The following AKNA variants were observed in gnomAD, a reference collection of about 807,000 sequenced individuals.
AKNA encodes the protein AT-hook transcription factor, also known as microtubule organization protein AKNA.
In AKNA, 67 loss-of-function variants were observed where a neutral mutation model predicts 138.8. The observed-to-expected ratio is 0.48, with a 90% CI of 0.40 to 0.59. The LOEUF (loss-of-function observed/expected upper bound fraction) is 0.59, where lower values mean the gene tolerates loss of function less well. Among genes scored for constraint, AKNA ranks in the 20% least tolerant of loss-of-function variants. AKNA has a pLI of 0.00. For synonymous variants in AKNA, 737 were observed against 754.4 expected, an observed-to-expected ratio of 0.98 and a Z score of 0.38; for missense variants, 1,813 against 1,880.4, an observed-to-expected ratio of 0.96 and a Z score of 0.66.
downstream of AKNA, among the ~76,000 whole-genome samples, chr9:114,333,778 G>A (rs1295528407): frequency 2.7e-5 from 4 of 150,110 alleles, no homozygotes; most frequent in East Asian, 1.9e-4. Flanking sequence ...GGAAATGAGA[G>A]GATGCATTTG....
At chr9:114,352,591 C>T (rs1322356743) in intron 14 of AKNA, among the ~76,000 whole-genome samples, 1 of 148,172 alleles carries the variant, frequency 6.7e-6, no homozygotes, top group African/African-American at 2.5e-5. Flanking sequence ...AGTGAGACTC[C>T]ATCTCAAAAA....
Position 114,376,627 on chromosome 9 carries a change from G to A in AKNA, c.1180C>T (p.Pro394Ser), listed in dbSNP as rs1161695025. 1.9e-6 allele frequency: 3 copies of A among 1,614,016 alleles called. No homozygotes were observed. The highest frequency in any genetic ancestry group is 2.5e-6 in the Non-Finnish European group (3 of 1,180,014). ...HNRKPQAPAR[P>S]LIFKSPAEIV... ...TCAGCTGGAGACTTGAAGATGAGGG[G>A]CCTGGCAGGGGCCTGAGGCTTCCTG... Residue 394 changes from proline to serine, a missense_variant, in exon 3 of 22, where the codon CCC (proline) becomes TCC (serine). Transcript: ENST00000374088.
chr9:114,361,800 G>A lies in AKNA; in HGVS notation c.2028C>T (p.Asp676=). 3 of 1,613,914 alleles carry A rather than the reference G, an allele frequency of 1.9e-6. No homozygotes were observed. Among genetic ancestry groups the A allele is most frequent in the Non-Finnish European group, 2.5e-6 (3 of 1,180,036 alleles). ...GGAGGCAGGGCAGGGCTGGGGTGCTGTCCAGAGCTGAGTCTGACCCGGGCG... is the reference window on the plus strand; with the variant it reads ...GGAGGCAGGGCAGGGCTGGGGTGCTATCCAGAGCTGAGTCTGACCCGGGCG... ...PEPPGSDSAL[D]STPALPCLHQ... Residue 676 remains aspartate, a synonymous_variant, in exon 9 of 22, where the codon GAC becomes GAT. Coordinates refer to ENST00000374088, the MANE Select transcript of AKNA (RefSeq NM_001317950.2).
In AKNA at chr9:114,337,012, T is replaced by TTGGGGGGGGGGGGGGGGC; in HGVS notation, c.*41_*42insGCCCCCCCCCCCCCCCCA. ...CCCACTCCTGGCCTGGCAGGCCACC[T>TTGGGGGGGGGGGGGGGGC]GCCCACCCACCCACCCATCTGCCTC... On this transcript the variant is annotated 3_prime_UTR_variant, in exon 22 of 22. Transcript: ENST00000374088. 1 of 1,208,224 alleles carries TTGGGGGGGGGGGGGGGGC rather than the reference T, an allele frequency of 8.3e-7. No homozygotes were observed. The highest frequency in any genetic ancestry group is 1.1e-6 in the Non-Finnish European group (1 of 929,350). The allele number at this position is 1,208,224 out of a possible 1,614,324, so 74.8% of individuals were successfully genotyped here.
intron 21 of AKNA, among the ~76,000 whole-genome samples, chr9:114,338,047 A>G (rs1830113067): frequency 6.6e-6 from 1 of 152,214 alleles, no homozygotes; most frequent in Non-Finnish European, 1.5e-5. Flanking sequence ...GTGTGGCCTC[A>G]GCACTGTTAA....
downstream of AKNA, chr9:114,331,955 C>A (rs774574147): frequency 1.9e-6 from 3 of 1,597,462 alleles, no homozygotes; most frequent in Non-Finnish European, 2.6e-6. Context: ...TGGACAGTGC[C>A]CACCTTGTCC....
downstream of AKNA, among the ~76,000 whole-genome samples, chr9:114,331,381 T>A (rs539183458): frequency 1.3e-5 from 2 of 152,078 alleles, no homozygotes; most frequent in South Asian, 4.2e-4. Context: ...TGAGATCTCA[T>A]GTACAGAAAG....
chr9:114,381,151 C>T lies in AKNA; in HGVS notation c.183G>A (p.Leu61=), dbSNP rs1011784081. ...TSPELLEDFR[L]AQQHLPPLEW... ...CCAGGGGCGGCAGGTGCTGCTGGGC[C>T]AGGCGGAAGTCCTCTAGGAGCTCGG... Residue 61 remains leucine (L), a synonymous_variant, in exon 2 of 22, where the codon CTG becomes CTA. Coordinates refer to ENST00000374088, the MANE Select transcript of AKNA (RefSeq NM_001317950.2). 3.1e-6 allele frequency: 5 copies of T among 1,613,272 alleles called. No individual in the cohort carries two copies. The African/African-American group carries it at 4.0e-5, about 13-fold the overall frequency.
At chr9:114,350,725 C>T in intron 15 of AKNA, 134 bp downstream of exon 15, 1 of 1,015,438 alleles carries the variant, frequency 9.8e-7, no homozygotes, top group Non-Finnish European at 1.4e-6. Context: ...AGGCAGGACA[C>T]CTGGGTCCGT....
chr9:114,350,786 C>T (rs1831056400), intron 15 of AKNA, 73 bp downstream of exon 15: 2 of 1,477,996 alleles, frequency 1.4e-6, no homozygotes, highest in African/African-American at 1.4e-5. Flanking sequence ...CCACCTCCAC[C>T]TGCTAACACG....
At position 114,337,012 on chromosome 9, in the gene AKNA, T is replaced by TTGGGGGGGGGGGGGGGGG; in HGVS notation, c.*41_*42insCCCCCCCCCCCCCCCCCA. 6.2e-5 allele frequency: 75 copies of TTGGGGGGGGGGGGGGGGG among 1,208,206 alleles called. No homozygotes were observed. Among genetic ancestry groups the TTGGGGGGGGGGGGGGGGG allele is most frequent in the Non-Finnish European group, 7.0e-5 (65 of 929,336 alleles). The allele number at this position is 1,208,206 out of a possible 1,614,324, so 74.8% of individuals were successfully genotyped here. On this transcript the variant is annotated 3_prime_UTR_variant, in exon 22 of 22. Coordinates refer to ENST00000374088, the MANE Select transcript of AKNA (RefSeq NM_001317950.2). ...CCCACTCCTGGCCTGGCAGGCCACC[T>TTGGGGGGGGGGGGGGGGG]GCCCACCCACCCACCCATCTGCCTC...
At chr9:114,394,128 G>A (rs1226794164) in intron 1 of AKNA, among the ~76,000 whole-genome samples, 1 of 151,640 alleles carries the variant, frequency 6.6e-6, no homozygotes, top group African/African-American at 2.4e-5. Flanking sequence ...AGCCAAGATC[G>A]TGCCACCCCA....
intron 21 of AKNA, among the ~76,000 whole-genome samples, chr9:114,338,835 T>G (rs1830156995): frequency 6.6e-6 from 1 of 152,204 alleles, no homozygotes; most frequent in African/African-American, 2.4e-5. Flanking sequence ...CGTGAGCTCC[T>G]AAGACCCAGA....
At chr9:114,379,364 G>A (rs925616135) in intron 2 of AKNA, among the ~76,000 whole-genome samples, 1 of 152,250 alleles carries the variant, frequency 6.6e-6, no homozygotes, top group Non-Finnish European at 1.5e-5. Flanking sequence ...CATAGTAAAG[G>A]CACAGGACAA....
At chr9:114,346,078 T>C in intron 17 of AKNA, 69 bp from the exon 18 acceptor site, 1 of 1,515,828 alleles carries the variant, frequency 6.6e-7, no homozygotes, top group Non-Finnish European at 9.1e-7. Context: ...GGAGTGGGTA[T>C]GCCATGAGTT....
rs1830655435 is a variant in AKNA, at chr9:114,346,004, C to T, written c.3520G>A (p.Glu1174Lys). 6.2e-6 allele frequency: 10 copies of T among 1,612,870 alleles called. No individual in the cohort carries two copies. The highest frequency in any genetic ancestry group is 1.3e-5 in the African/African-American group (1 of 74,828). The change falls in exon 18 of 22, where the codon GAA (glutamate) becomes AAA (lysine). Residue 1174 changes from glutamate (E) to lysine (K), a missense_variant. Transcript: ENST00000374088. ...REVLRLSLSSESELPSLPLFS... is the reference protein window; with the variant it reads ...REVLRLSLSSKSELPSLPLFS... ...AGTGGTAGGGAGGGCAGCTCAGATTCTGAACCTGGGGTAGAAAAAGTGGGG... is the reference window on the plus strand; with the variant it reads ...AGTGGTAGGGAGGGCAGCTCAGATTTTGAACCTGGGGTAGAAAAAGTGGGG...
intron 20 of AKNA, 41 bp downstream of exon 20, chr9:114,341,968 C>T: frequency 6.4e-7 from 1 of 1,563,548 alleles, no homozygotes; most frequent in South Asian, 1.1e-5. Flanking sequence ...TCAAGGAGAG[C>T]TGAGGGTCTG....
At chr9:114,343,224 T>C (rs1402586296) in intron 19 of AKNA, among the ~76,000 whole-genome samples, 1 of 152,236 alleles carries the variant, frequency 6.6e-6, no homozygotes, top group Non-Finnish European at 1.5e-5. Context: ...TGAAAAGTCC[T>C]AGAGACCATC....
intron 8 of AKNA, 89 bp from the exon 9 acceptor site, chr9:114,362,000 G>A: frequency 7.3e-7 from 1 of 1,368,736 alleles, no homozygotes; most frequent in East Asian, 2.3e-5. Flanking sequence ...AGAGACTCCA[G>A]GGGATGCCCC....
Sources: gnomAD v4.1 joint callset for allele counts (sites outside exome capture counted in the v4.1 genomes callset) on GRCh38, gnomAD v4.1.1 for gene constraint, MANE v1.5 for transcripts, NCBI Gene and HGNC (gene_info 2026-07-23, HGNC 2026-07-21) for gene names.